Variants in SV2C observed in about 807,000 individuals in gnomAD.
The protein encoded by SV2C is synaptic vesicle glycoprotein 2C, also known as solute carrier family 22 member B3.
A neutral mutation model predicts 79.7 loss-of-function variants in SV2C; 49 were observed. The observed-to-expected ratio is 0.61, with a 90% confidence interval of 0.49 to 0.78. SV2C has a LOEUF of 0.78. Among genes scored for constraint, SV2C ranks in the 30% least tolerant of loss-of-function variants. The pLI, the probability that SV2C is intolerant of heterozygous loss-of-function variation, is 0.00. For missense variants in SV2C, 833 were observed against 912.9 expected (o/e 0.91, Z 1.13); for synonymous variants, 334 against 333.2 (o/e 1.00, Z -0.03).
At chr5:76,122,571 A>C (rs1343656410) in intron 1 of SV2C, among the ~76,000 whole-genome samples, 2 of 152,122 alleles carry the variant, frequency 1.3e-5, no homozygotes, top group African/African-American at 4.8e-5. Flanking sequence ...TAAGAAACTC[A>C]CTCAAAACTG....
the SV2C span, among the ~76,000 whole-genome samples, chr5:75,948,563 T>C: frequency 6.6e-6 from 1 of 151,978 alleles, no homozygotes. Flanking sequence ...AGAGTGAAAG[T>C]CCTGGATGGG....
intron 2 of SV2C, among the ~76,000 whole-genome samples, chr5:76,184,311 T>C (rs1743841323): frequency 6.6e-6 from 1 of 152,166 alleles, no homozygotes; most frequent in Non-Finnish European, 1.5e-5. Context: ...GGACCTCTCC[T>C]CCCTCCCTAC....
At chr5:76,322,320 A>G (rs959049532) in intron 12 of SV2C, among the ~76,000 whole-genome samples, 1 of 152,214 alleles carries the variant, frequency 6.6e-6, no homozygotes, top group African/African-American at 2.4e-5. Flanking sequence ...CTGGAAATAC[A>G]ATTTACAAGG....
chr5:76,350,546 T>C (rs944455202), intron 12 of SV2C, among the ~76,000 whole-genome samples: 1 of 152,226 alleles, frequency 6.6e-6, no homozygotes, highest in South Asian at 2.1e-4. Flanking sequence ...AGACAGCAGG[T>C]TGCTGACTGG....
At chr5:76,026,105 A>G in the SV2C span, among the ~76,000 whole-genome samples, 1 of 152,022 alleles carries the variant, frequency 6.6e-6, no homozygotes, top group Non-Finnish European at 1.5e-5. Context: ...TGGATAATGC[A>G]TCTCAGGTGA....
the SV2C span, among the ~76,000 whole-genome samples, chr5:75,850,153 C>T: frequency 3.3e-5 from 5 of 152,132 alleles, no homozygotes; most frequent in Non-Finnish European, 7.4e-5. Context: ...AATCTTCCCT[C>T]ATATTATGAC....
intron 4 of SV2C, among the ~76,000 whole-genome samples, chr5:76,226,787 G>A (rs1032428662): frequency 6.6e-6 from 1 of 152,186 alleles, no homozygotes; most frequent in African/African-American, 2.4e-5. Context: ...GAAGACACGG[G>A]TGATGGGCCT....
the SV2C span, among the ~76,000 whole-genome samples, chr5:75,909,551 AGGGAGGGTTTTGTTCTT>A: frequency 2.0e-5 from 3 of 152,198 alleles, no homozygotes; most frequent in African/African-American, 7.2e-5. Flanking sequence ...AAGGTAGCAG[AGGGAGGGTTTTGTTCTT>A]GGTAATGTTT....
At chr5:76,099,506 T>G (rs1209904377) in intron 1 of SV2C, among the ~76,000 whole-genome samples, 4 of 152,134 alleles carry the variant, frequency 2.6e-5, no homozygotes. Flanking sequence ...TGTACTTTTC[T>G]GCTTATAAGG....
At chr5:76,184,359 C>G (rs1225981480) in intron 2 of SV2C, among the ~76,000 whole-genome samples, 1 of 152,178 alleles carries the variant, frequency 6.6e-6, no homozygotes, top group Non-Finnish European at 1.5e-5. Flanking sequence ...ATAGCAGGAG[C>G]TCAAGCAAGA....
At chr5:76,252,263 G>C (rs1746137606) in intron 4 of SV2C, among the ~76,000 whole-genome samples, 1 of 152,142 alleles carries the variant, frequency 6.6e-6, no homozygotes, top group South Asian at 2.1e-4. Flanking sequence ...GGGACTACAG[G>C]CTCCCACCAC....
chr5:75,890,816 T>C, the SV2C span, among the ~76,000 whole-genome samples: 1 of 152,092 alleles, frequency 6.6e-6, no homozygotes, highest in Non-Finnish European at 1.5e-5. Context: ...TGAGAGAGCT[T>C]CTACATCAGT....
chr5:76,011,333 T>A, the SV2C span, among the ~76,000 whole-genome samples: 2 of 152,144 alleles, frequency 1.3e-5, no homozygotes, highest in African/African-American at 2.4e-5. Flanking sequence ...ACCCTCAAAA[T>A]AACTAGTATA....
intron 2 of SV2C, among the ~76,000 whole-genome samples, chr5:76,147,663 A>G (rs77602858): frequency 0.061 from 9,327 of 152,260 alleles, 772 homozygotes; most frequent in East Asian, 0.39. Flanking sequence ...ATGCAACCTA[A>G]AACATTCTGT....
intron 1 of SV2C, among the ~76,000 whole-genome samples, chr5:76,109,600 T>A (rs777467469): frequency 2.0e-5 from 3 of 152,110 alleles, no homozygotes; most frequent in Non-Finnish European, 4.4e-5. Flanking sequence ...GTTAAGGTCA[T>A]TGGGGTGGGC....
At chr5:76,018,795 A>G in the SV2C span, among the ~76,000 whole-genome samples, 1,571 of 152,346 alleles carry the variant, frequency 0.01, 30 homozygotes, top group African/African-American at 0.036. Context: ...AAAGAATCCT[A>G]TGCGTACATG....
chr5:76,171,694 C>CCT (rs1743268581), intron 2 of SV2C, among the ~76,000 whole-genome samples: 1 of 140,060 alleles, frequency 7.1e-6, no homozygotes, highest in Non-Finnish European at 1.6e-5. Flanking sequence ...CCAGCCGTGC[C>CCT]GTCCGGGAGG....
chr5:75,877,571 C>G, the SV2C span, among the ~76,000 whole-genome samples: 1 of 143,486 alleles, frequency 7.0e-6, no homozygotes, highest in East Asian at 2.0e-4. Context: ...TATCTGATCA[C>G]AGTGAAATGA....
chr5:75,989,704 G>T, the SV2C span, among the ~76,000 whole-genome samples: 1 of 151,874 alleles, frequency 6.6e-6, no homozygotes, highest in South Asian at 2.1e-4. Flanking sequence ...TTGAGAAATT[G>T]CCACACTGTC....
Sources: allele counts gnomAD v4.1 joint callset (sites outside exome capture counted in the v4.1 genomes callset), GRCh38; gene constraint gnomAD v4.1.1; transcripts MANE v1.5; gene names NCBI Gene and HGNC (gene_info 2026-07-23, HGNC 2026-07-21).